PARD3B: variants seen among roughly 807,000 people sequenced by gnomAD.
PARD3B encodes partitioning defective 3 homolog B.
In PARD3B, 103 loss-of-function variants were observed where a neutral mutation model predicts 130.2. The ratio of observed to expected loss-of-function variants is 0.79; its 90% CI spans 0.67 to 0.93. PARD3B has a LOEUF of 0.93. Among genes scored for constraint, PARD3B ranks in the 40% least tolerant of loss-of-function variants. PARD3B has a pLI of 0.00. For synonymous variants in PARD3B, 583 were observed against 553.2 expected, an observed-to-expected ratio of 1.05 and a Z score of -0.76; for missense variants, 1,609 against 1,499.2, an observed-to-expected ratio of 1.07 and a Z score of -1.21.
intron 2 of PARD3B, among the ~76,000 whole-genome samples, chr2:204,775,441 T>C (rs1476959474): frequency 6.6e-6 from 1 of 152,114 alleles, no homozygotes; most frequent in Non-Finnish European, 1.5e-5. Flanking sequence ...CCCCAAAACA[T>C]TTTATAAAGT....
At chr2:205,391,005 C>T (rs554014643) in intron 18 of PARD3B, among the ~76,000 whole-genome samples, 46 of 152,280 alleles carry the variant, frequency 3.0e-4, no homozygotes, top group African/African-American at 1.0e-3. Context: ...ATTTGCCTGT[C>T]AATGGTAACT....
intron 21 of PARD3B, among the ~76,000 whole-genome samples, chr2:205,517,465 C>T: frequency 6.6e-6 from 1 of 152,026 alleles, no homozygotes; most frequent in East Asian, 1.9e-4. Context: ...TGGATCTTCT[C>T]CTTTTTCTTC....
At chr2:205,171,061 T>G (rs759837875) in intron 11 of PARD3B, among the ~76,000 whole-genome samples, 1 of 152,236 alleles carries the variant, frequency 6.6e-6, no homozygotes, top group Non-Finnish European at 1.5e-5. Flanking sequence ...AATATAAATC[T>G]TAAATTCTTA....
At chr2:205,304,942 C>A (rs953917553) in intron 18 of PARD3B, among the ~76,000 whole-genome samples, 2 of 152,174 alleles carry the variant, frequency 1.3e-5, no homozygotes, top group South Asian at 4.2e-4. Flanking sequence ...AAGACCCTAT[C>A]TCAAAAAATT....
At chr2:204,704,467 A>G (rs2038042116) in intron 2 of PARD3B, among the ~76,000 whole-genome samples, 1 of 152,156 alleles carries the variant, frequency 6.6e-6, no homozygotes, top group Admixed American at 6.5e-5. Context: ...ACTATATTCA[A>G]ATATAAACAA....
rs1196305431 is a variant in PARD3B at position 205,241,889 on chromosome 2, A to G, written c.2141-3889A>G. On this transcript the variant is annotated intron_variant, in intron 15 of 22. Transcript: ENST00000406610. This position sits in a 1 kb window ranked among gnomAD's most constrained non-coding sequence, Gnocchi z 4.2. ...AGCCCCAAGAGATAATTTTAATAGT[A>G]GCTCTAAGTTAATGTGAGTTATAAA... Among the ~76,000 whole-genome samples the G allele has an allele frequency of 6.6e-6, 1 of 152,166 alleles. No homozygotes were observed. Among genetic ancestry groups the G allele is most frequent in the African/African-American group, 2.4e-5 (1 of 41,450 alleles).
intron 16 of PARD3B, among the ~76,000 whole-genome samples, chr2:205,279,625 T>C (rs1427195362): frequency 6.6e-6 from 1 of 152,164 alleles, no homozygotes; most frequent in African/African-American, 2.4e-5. Flanking sequence ...CTCTGTGCAA[T>C]GTGAGAGTCC....
In PARD3B at chr2:205,265,723, A is replaced by T. The variant is rs1332013867; in HGVS notation, c.2185+19901A>T. ...TAAATTAATATTCAGTGCTCTTTTT[A>T]ACACGATATTTATTAGGTGCAAGTT... On this transcript the variant is annotated intron_variant, in intron 16 of 22. Transcript: ENST00000406610. This position sits in a 1 kb window ranked among gnomAD's most constrained non-coding sequence, Gnocchi z 4.3. 6.6e-6 allele frequency among the ~76,000 whole-genome samples: 1 copy of T among 152,074 alleles called. No homozygotes were observed. Among genetic ancestry groups the T allele is most frequent in the East Asian group, 1.9e-4 (1 of 5,206 alleles).
At chr2:205,100,036 A>T (rs1209082399) in intron 4 of PARD3B, among the ~76,000 whole-genome samples, 1 of 152,150 alleles carries the variant, frequency 6.6e-6, no homozygotes, top group African/African-American at 2.4e-5. Context: ...TTACTTTCAA[A>T]TTGTAATTGA....
At chr2:204,608,607 G>C (rs1350668032) in intron 1 of PARD3B, among the ~76,000 whole-genome samples, 1 of 152,118 alleles carries the variant, frequency 6.6e-6, no homozygotes, top group African/African-American at 2.4e-5. Context: ...TAAATCAGTT[G>C]GTTGGCTCAG....
chr2:205,157,093 CTTACA>C (rs1353241886), intron 10 of PARD3B, among the ~76,000 whole-genome samples: 1 of 152,158 alleles, frequency 6.6e-6, no homozygotes, highest in East Asian at 1.9e-4. Context: ...TGTTCACAAA[CTTACA>C]GTAGGATGGT....
intron 1 of PARD3B, among the ~76,000 whole-genome samples, chr2:204,632,126 G>A (rs1190536157): frequency 6.6e-6 from 1 of 151,990 alleles, no homozygotes; most frequent in African/African-American, 2.4e-5. Flanking sequence ...TACTATCCTC[G>A]CAATCATGAG....
chr2:205,067,894 T>C (rs1700488983), intron 4 of PARD3B, among the ~76,000 whole-genome samples: 1 of 152,210 alleles, frequency 6.6e-6, no homozygotes, highest in East Asian at 1.9e-4. Flanking sequence ...CTGTTTTATA[T>C]ATTGCTGAAT....
At chr2:204,742,524 A>G (rs777076652) in intron 2 of PARD3B, among the ~76,000 whole-genome samples, 8 of 152,204 alleles carry the variant, frequency 5.3e-5, no homozygotes, top group Non-Finnish European at 8.8e-5. Context: ...TCACTGGGGC[A>G]GCTGAGTGAG....
chr2:204,717,485 C>T lies in PARD3B; in HGVS notation c.222+31203C>T, dbSNP rs183108780. On this transcript the variant is annotated intron_variant, in intron 2 of 22. Coordinates refer to ENST00000406610, the MANE Select transcript of PARD3B (RefSeq NM_001302769.2). ...TTATCCCTGTCACGTGAACAAGTGACAGTTTTTTTCCTTTTGATGGTATTT... is the reference window on the plus strand; with the variant it reads ...TTATCCCTGTCACGTGAACAAGTGATAGTTTTTTTCCTTTTGATGGTATTT... Among the ~76,000 whole-genome samples, 337 of 152,192 alleles carry T rather than the reference C, an allele frequency of 2.2e-3. 2 individuals are homozygous for T. Among genetic ancestry groups the T allele is most frequent in the Non-Finnish European group, 3.1e-3 (213 of 68,018 alleles).
At chr2:204,884,994 A>C (rs2046220078) in intron 2 of PARD3B, among the ~76,000 whole-genome samples, 1 of 152,238 alleles carries the variant, frequency 6.6e-6, no homozygotes, top group South Asian at 2.1e-4. Context: ...GTATATACCC[A>C]GTAATGGGAT....
chr2:205,515,384 G>T (rs1575216664), intron 21 of PARD3B, among the ~76,000 whole-genome samples: 1 of 152,130 alleles, frequency 6.6e-6, no homozygotes, highest in African/African-American at 2.4e-5. Flanking sequence ...TGTTTGAAAT[G>T]GTGGTTCTGC....
chr2:204,574,113 C>G (rs572183119), intron 1 of PARD3B, among the ~76,000 whole-genome samples: 1 of 152,244 alleles, frequency 6.6e-6, no homozygotes, highest in East Asian at 1.9e-4. Context: ...CTACTTTGTT[C>G]TCAGAGGTTG....
intron 2 of PARD3B, among the ~76,000 whole-genome samples, chr2:204,910,283 A>C (rs1265873359): frequency 6.6e-6 from 1 of 152,184 alleles, no homozygotes; most frequent in Non-Finnish European, 1.5e-5. Context: ...ATGAATGGGT[A>C]GCTGGGCTAA....
Sources: gnomAD v4.1 joint callset for allele counts (sites outside exome capture counted in the v4.1 genomes callset) on GRCh38, gnomAD v4.1.1 for gene constraint, Gnocchi (gnomAD v3.1) non-coding constraint, MANE v1.5 for transcripts, NCBI Gene and HGNC (gene_info 2026-07-23, HGNC 2026-07-21) for gene names.